ADAM10: variants seen among roughly 807,000 people sequenced by gnomAD.
The protein encoded by ADAM10 is disintegrin and metalloproteinase domain-containing protein 10.
In ADAM10, 17 loss-of-function variants were observed where a neutral mutation model predicts 90.1. The observed-to-expected ratio is 0.19, with a 90% CI of 0.13 to 0.28. The LOEUF (loss-of-function observed/expected upper bound fraction) is 0.28. ADAM10 is among the 10% of genes least tolerant of loss of function. The pLI, the probability that ADAM10 is intolerant of heterozygous loss-of-function variation, is 1.00. For synonymous variants in ADAM10, 310 were observed against 298.6 expected, an observed-to-expected ratio of 1.04 and a Z score of -0.40; for missense variants, 610 against 914.3, an observed-to-expected ratio of 0.67 and a Z score of 4.29.
intron 2 of ADAM10, chr15:58,690,983 T>C (rs1487673692): frequency 1.5e-5 from 7 of 477,248 alleles, no homozygotes; most frequent in East Asian, 1.4e-4. Context: ...CCTTCTGCTG[T>C]AGTGTCTCCA....
At chr15:58,742,120 C>G (rs985929892) in intron 1 of ADAM10, among the ~76,000 whole-genome samples, 5 of 152,094 alleles carry the variant, frequency 3.3e-5, no homozygotes, top group African/African-American at 1.2e-4. Context: ...TTTTACTTTT[C>G]TTCTCACTTA....
chr15:58,695,080 A>T (rs28576281), intron 2 of ADAM10, among the ~76,000 whole-genome samples: 8 of 151,992 alleles, frequency 5.3e-5, no homozygotes, highest in Non-Finnish European at 8.8e-5. Flanking sequence ...AAAACTGTGT[A>T]CATTTTTAAA....
At chr15:58,715,837 A>G (rs1898641517) in intron 2 of ADAM10, among the ~76,000 whole-genome samples, 1 of 152,220 alleles carries the variant, frequency 6.6e-6, no homozygotes, top group Admixed American at 6.5e-5. Flanking sequence ...CAAAAATCTA[A>G]TTATATAATA....
At chr15:58,678,310 G>A (rs973009592) in intron 4 of ADAM10, among the ~76,000 whole-genome samples, 1 of 152,096 alleles carries the variant, frequency 6.6e-6, no homozygotes, top group African/African-American at 2.4e-5. Flanking sequence ...ATGCTTGTCA[G>A]TGTATTACTA....
intron 1 of ADAM10, among the ~76,000 whole-genome samples, chr15:58,722,859 G>T (rs1898902790): frequency 6.7e-6 from 1 of 149,274 alleles, no homozygotes; most frequent in Non-Finnish European, 1.5e-5. Flanking sequence ...AGCCTTCCCA[G>T]TAGCTCAGGC....
At chr15:58,688,242 A>G (rs1197154575) in intron 2 of ADAM10, among the ~76,000 whole-genome samples, 1 of 152,120 alleles carries the variant, frequency 6.6e-6, no homozygotes, top group Non-Finnish European at 1.5e-5. Flanking sequence ...AAAAATCCAG[A>G]CACAGGTGGG....
At chr15:58,713,781 T>C (rs1022315505) in intron 2 of ADAM10, among the ~76,000 whole-genome samples, 52 of 152,186 alleles carry the variant, frequency 3.4e-4, no homozygotes, top group African/African-American at 5.1e-4. Context: ...TTAAGCTTTA[T>C]TTCAAGAGCA....
chr15:58,624,738 G>C (rs1201249410), intron 10 of ADAM10, among the ~76,000 whole-genome samples: 1 of 152,026 alleles, frequency 6.6e-6, no homozygotes, highest in African/African-American at 2.4e-5. Context: ...TCGCTACATT[G>C]GCCAGGCTGG....
intron 8 of ADAM10, among the ~76,000 whole-genome samples, chr15:58,634,763 T>C (rs1049913545): frequency 6.6e-6 from 1 of 152,224 alleles, no homozygotes. Flanking sequence ...CGTATTACGA[T>C]AACTGCTCTA....
chr15:58,737,730 T>C lies in ADAM10; in HGVS notation c.55+11750A>G, dbSNP rs537667338. On this transcript the variant is annotated intron_variant, in intron 1 of 15. Coordinates refer to ENST00000260408, the MANE Select transcript of ADAM10 (RefSeq NM_001110.4). ...GGTAGGTAGCATCTTACTTCCCAAG[T>C]ACCCTTCTAAGCAAAAGCTTCCTTC... Among the ~76,000 whole-genome samples, 56 of 152,328 alleles carry C rather than the reference T, an allele frequency of 3.7e-4. 1 individual carries two copies. In the South Asian group the frequency reaches 8.3e-3, roughly 23 times the overall value.
intron 5 of ADAM10, among the ~76,000 whole-genome samples, chr15:58,651,452 C>A (rs1489030195): frequency 6.6e-6 from 1 of 152,142 alleles, no homozygotes; most frequent in Non-Finnish European, 1.5e-5. Context: ...TACTCTCTAT[C>A]TCCATGAGTT....
At position 58,727,218 on chromosome 15, in the gene ADAM10, G is replaced by A. The variant is rs1301602419; in HGVS notation, c.56-9491C>T. Among the ~76,000 whole-genome samples the A allele has an allele frequency of 9.9e-5, 11 of 111,588 alleles. 1 individual carries two copies. Among genetic ancestry groups the A allele is most frequent in the African/African-American group, 3.7e-4 (10 of 26,964 alleles). The allele number at this position is 111,588 out of a possible 152,430, so 73.2% of individuals were successfully genotyped here. A position where few individuals can be genotyped will look rare whatever the true frequency, so the allele number is the denominator to read the frequency against. ...TTTTTTTTTTTTTCCCAAAAACAGCGTTTCGCTCGTTGCCCAGGCCGTAGC... is the reference window on the plus strand; with the variant it reads ...TTTTTTTTTTTTTCCCAAAAACAGCATTTCGCTCGTTGCCCAGGCCGTAGC... On this transcript the variant is annotated intron_variant, in intron 1 of 15. Coordinates refer to ENST00000260408, the MANE Select transcript of ADAM10 (RefSeq NM_001110.4).
At chr15:58,648,770 A>G (rs1191048599) in intron 5 of ADAM10, among the ~76,000 whole-genome samples, 1 of 152,162 alleles carries the variant, frequency 6.6e-6, no homozygotes, top group African/African-American at 2.4e-5. Context: ...TATTACGGAC[A>G]TACAAATTAA....
intron 2 of ADAM10, among the ~76,000 whole-genome samples, chr15:58,693,871 A>G (rs1162036494): frequency 6.6e-6 from 1 of 152,282 alleles, no homozygotes. Flanking sequence ...CTTACAAATC[A>G]ATAATAAGAC....
At chr15:58,729,973 ACAAAAACAAAAAC>A (rs1899176546) in intron 1 of ADAM10, among the ~76,000 whole-genome samples, 2 of 138,524 alleles carry the variant, frequency 1.4e-5, no homozygotes. Flanking sequence ...AAAAACAAAA[ACAAAAACAAAAAC>A]AAAACAAACA....
At chr15:58,734,497 A>T (rs1899361887) in intron 1 of ADAM10, among the ~76,000 whole-genome samples, 1 of 152,122 alleles carries the variant, frequency 6.6e-6, no homozygotes, top group Admixed American at 6.5e-5. Flanking sequence ...CAAAAAACTG[A>T]AAAGACAGCC....
At chr15:58,709,902 G>C (rs192751611) in intron 2 of ADAM10, among the ~76,000 whole-genome samples, 1 of 152,218 alleles carries the variant, frequency 6.6e-6, no homozygotes, top group East Asian at 1.9e-4. Flanking sequence ...GGAGGAGGGA[G>C]AAAGTTGAGT....
rs575712903 is a variant in ADAM10 at position 58,684,306 on chromosome 15, G to A, written c.207-1992C>T. Among the ~76,000 whole-genome samples the A allele has an allele frequency of 2.4e-4, 36 of 152,268 alleles. No individual in the cohort carries two copies. The South Asian group carries it at 7.5e-3, about 32-fold the overall frequency. On this transcript the variant is annotated intron_variant, in intron 2 of 15. Transcript: ENST00000260408. ...CCTTGGAATATCCTCAGTGATAGGTGTCTCTTCACTCATTCATAATGAGTC... is the reference window on the plus strand; with the variant it reads ...CCTTGGAATATCCTCAGTGATAGGTATCTCTTCACTCATTCATAATGAGTC...
At chr15:58,609,922 A>C in intron 14 of ADAM10, 1 of 261,040 alleles carries the variant, frequency 3.8e-6, no homozygotes, top group Non-Finnish European at 7.5e-6. Flanking sequence ...AGATCAGGAA[A>C]AATCACCAAT....
Sources: gnomAD v4.1 joint callset for allele counts (sites outside exome capture counted in the v4.1 genomes callset) on GRCh38, gnomAD v4.1.1 for gene constraint, MANE v1.5 for transcripts, NCBI Gene and HGNC (gene_info 2026-07-23, HGNC 2026-07-21) for gene names.